CNOT1: variants seen among roughly 807,000 people sequenced by gnomAD.
CNOT1 encodes the protein CCR4-associated factor 1.
In CNOT1, 15 loss-of-function variants were observed where a neutral mutation model predicts 273.8. The ratio of observed to expected loss-of-function variants is 0.05; its 90% CI spans 0.04 to 0.08. CNOT1 has a LOEUF of 0.08. Ranked by LOEUF, CNOT1 falls within the 10% of genes least tolerant of loss-of-function variation. The pLI is 1.00. For missense variants in CNOT1, 1,644 were observed against 2,912.2 expected (o/e 0.56, Z 10.02); for synonymous variants, 1,022 against 1,005.5 (o/e 1.02, Z -0.31).
rs1162780139 is a variant in CNOT1, at chr16:58,520,869, G to A, written c.*89C>T. 2.0e-5 allele frequency: 27 copies of A among 1,364,972 alleles called. No individual in the cohort carries two copies. Among genetic ancestry groups the A allele is most frequent in the Non-Finnish European group, 2.7e-5 (26 of 968,438 alleles). 84.6% of individuals were successfully genotyped at this position (1,364,972 alleles called of 1,614,324 possible). A position where few individuals can be genotyped will look rare whatever the true frequency, so the allele number is the denominator to read the frequency against. Reference sequence around the variant, plus strand: ...ACAAACCAAAGGGCTGGGAAAGTCAGGAAGAGCTGAAAGGATTCTTCAGTC... The same window carrying A: ...ACAAACCAAAGGGCTGGGAAAGTCAAGAAGAGCTGAAAGGATTCTTCAGTC... On this transcript the variant is annotated 3_prime_UTR_variant, in exon 49 of 49. Coordinates refer to ENST00000317147, the MANE Select transcript of CNOT1 (RefSeq NM_016284.5).
intron 31 of CNOT1, chr16:58,543,227 T>C: frequency 6.5e-7 from 1 of 1,532,104 alleles, no homozygotes; most frequent in Non-Finnish European, 8.8e-7. Flanking sequence ...ATTTGAAAAG[T>C]GTGTGCACAT....
chr16:58,585,606 T>G (rs2041807621), intron 7 of CNOT1, 100 bp from the exon 8 acceptor site: 5 of 1,473,866 alleles, frequency 3.4e-6, no homozygotes, highest in Non-Finnish European at 4.5e-6. Flanking sequence ...TCTCACAAGT[T>G]CATATTCAAA....
At chr16:58,534,432 A>AAC (rs774748576) in intron 39 of CNOT1, 37 bp from the exon 40 acceptor site, 4 of 1,602,252 alleles carry the variant, frequency 2.5e-6, no homozygotes. Context: ...ACAATGAGGT[A>AAC]ACACACACAA....
intron 1 of CNOT1, among the ~76,000 whole-genome samples, chr16:58,628,255 T>C (rs2043668463): frequency 6.6e-6 from 1 of 152,218 alleles, no homozygotes; most frequent in African/African-American, 2.4e-5. Context: ...TAAAACCATG[T>C]ATCATCAATG....
rs370576480 is a variant in CNOT1 at position 58,553,857 on chromosome 16, C to T, written c.2895G>A (p.Leu965=). 7.5e-6 allele frequency: 12 copies of T among 1,605,952 alleles called. No individual in the cohort carries two copies. The highest frequency in any genetic ancestry group is 2.7e-5 in the African/African-American group (2 of 74,196). Residue 965 remains leucine, a synonymous_variant, in exon 22 of 49, where the codon TTG becomes TTA. Coordinates refer to ENST00000317147, the MANE Select transcript of CNOT1 (RefSeq NM_016284.5). The stretch of plus-strand genomic sequence containing the variant: ...GCTGACAATACTGGGGATAGTCCTT[C>T]AATCTGCCAACAAAATTATTCTACC... ...IAALDRFKNR[L]KDYPQYCQHL...
chr16:58,526,419 G>A (rs774461651), intron 44 of CNOT1, among the ~76,000 whole-genome samples: 38 of 149,186 alleles, frequency 2.5e-4, no homozygotes, highest in Admixed American at 2.4e-3. Flanking sequence ...CTTGGACTTC[G>A]GTTTCAAAAT....
At chr16:58,543,316 C>T in intron 31 of CNOT1, 1 of 1,548,258 alleles carries the variant, frequency 6.5e-7, no homozygotes, top group Non-Finnish European at 8.7e-7. Context: ...ATGAGATTGT[C>T]AGATATCACA....
chr16:58,521,672 G>A (rs1426421331), intron 47 of CNOT1, among the ~76,000 whole-genome samples: 1 of 152,218 alleles, frequency 6.6e-6, no homozygotes, highest in Non-Finnish European at 1.5e-5. Context: ...GAGCTCCCAG[G>A]CCGGGCACAG....
intron 16 of CNOT1, among the ~76,000 whole-genome samples, chr16:58,573,477 A>AT (rs34706886): frequency 0.026 from 2,930 of 112,906 alleles, 148 homozygotes; most frequent in African/African-American, 0.082. Flanking sequence ...CTGTTTTGCA[A>AT]TTTTTTTTTT....
At chr16:58,564,319 A>C (rs556002544) in intron 16 of CNOT1, among the ~76,000 whole-genome samples, 39 of 151,182 alleles carry the variant, frequency 2.6e-4, no homozygotes, top group Non-Finnish European at 4.1e-4. Flanking sequence ...CCAATCACAA[A>C]AACAAAAGCA....
intron 16 of CNOT1, among the ~76,000 whole-genome samples, chr16:58,574,254 C>T (rs191674016): frequency 1.6e-4 from 24 of 151,956 alleles, no homozygotes; most frequent in East Asian, 1.4e-3. Context: ...CCAGCCTAGT[C>T]GACAGCAAGA....
chr16:58,530,009 T>C (rs1358473994), intron 43 of CNOT1, among the ~76,000 whole-genome samples: 1 of 152,154 alleles, frequency 6.6e-6, no homozygotes, highest in Non-Finnish European at 1.5e-5. Flanking sequence ...CCAAGCTGTT[T>C]ACAAGTATAA....
At chr16:58,597,693 T>A (rs1288406780) in intron 2 of CNOT1, 1 of 505,238 alleles carries the variant, frequency 2.0e-6, no homozygotes, top group African/African-American at 2.0e-5. Flanking sequence ...CCCACATGAC[T>A]CAGCCAGGCA....
Position 58,530,432 on chromosome 16 carries a change from T to A in CNOT1, c.6178-85A>T, listed in dbSNP as rs1018011109. On this transcript the variant is annotated intron_variant, in intron 42 of 48. Coordinates refer to ENST00000317147, the MANE Select transcript of CNOT1 (RefSeq NM_016284.5). The stretch of plus-strand genomic sequence containing the variant: ...AGTCGCCCAAGCAGCTACACTGACT[T>A]ATCTTCTTCATGCTAATATAAGTAG... 14 of 857,038 alleles carry A rather than the reference T, an allele frequency of 1.6e-5. No homozygotes were observed. In the Admixed American group the frequency reaches 2.8e-4, roughly 17 times the overall value. 53.1% of individuals were successfully genotyped at this position (857,038 alleles called of 1,614,324 possible).
intron 1 of CNOT1, among the ~76,000 whole-genome samples, chr16:58,621,084 C>G (rs564216214): frequency 6.6e-6 from 1 of 151,864 alleles, no homozygotes; most frequent in Admixed American, 6.6e-5. Flanking sequence ...TCACAGCCCA[C>G]TGCAGCCTCG....
At position 58,547,351 on chromosome 16, in the gene CNOT1, A is replaced by C. The variant is rs2040289772; in HGVS notation, c.3640-55T>G. The C allele has an allele frequency of 6.3e-7, 1 of 1,594,958 alleles. No individual in the cohort carries two copies. Among genetic ancestry groups the C allele is most frequent in the African/African-American group, 1.4e-5 (1 of 73,900 alleles). ...GGGAATATACCCCCCAAAATGGTATAACAAAACCAAAGAAAAGTATTTTGC... is the reference window on the plus strand; with the variant it reads ...GGGAATATACCCCCCAAAATGGTATCACAAAACCAAAGAAAAGTATTTTGC... On this transcript the variant is annotated intron_variant, in intron 26 of 48. Transcript: ENST00000317147. The surrounding 1 kb of genome is among the most constrained non-coding windows in gnomAD (Gnocchi z 4.0).
At chr16:58,580,800 G>A in intron 11 of CNOT1, 40 bp from the exon 12 acceptor site, 1 of 1,563,968 alleles carries the variant, frequency 6.4e-7, no homozygotes, top group Non-Finnish European at 8.7e-7. Flanking sequence ...AAATGATTGT[G>A]AATGCTATAA....
chr16:58,603,436 TGTGTGTGTGTGTG>T (rs1488690322), intron 1 of CNOT1, among the ~76,000 whole-genome samples: 33,752 of 150,496 alleles, frequency 0.22, 4,101 homozygotes, highest in African/African-American at 0.32. Flanking sequence ...TGTGTGTGTG[TGTGTGTGTGTGTG>T]TGTGTGTGTG....
intron 30 of CNOT1, among the ~76,000 whole-genome samples, 197 bp downstream of exon 30, chr16:58,545,164 T>A (rs896100866): frequency 8.5e-5 from 13 of 152,252 alleles, no homozygotes; most frequent in African/African-American, 3.1e-4. Flanking sequence ...ATAACTAACA[T>A]CTAGTCACTC....
Sources: allele counts gnomAD v4.1 joint callset (sites outside exome capture counted in the v4.1 genomes callset), GRCh38; gene constraint gnomAD v4.1.1; non-coding constraint Gnocchi (gnomAD v3.1); transcripts MANE v1.5; gene names NCBI Gene and HGNC (gene_info 2026-07-23, HGNC 2026-07-21).